BCKDHB: variants seen among roughly 807,000 people sequenced by gnomAD.
BCKDHB encodes the protein branched chain keto acid dehydrogenase E1 subunit beta, also known as 2-oxoisovalerate dehydrogenase subunit beta, mitochondrial.
Under a neutral mutation model 48.5 loss-of-function variants are expected in BCKDHB, and 41 were observed. The observed-to-expected ratio is 0.85, with a 90% CI of 0.66 to 1.10. The LOEUF is 1.10. Ranked by LOEUF, BCKDHB falls within the 50% of genes least tolerant of loss-of-function variation. The probability of loss-of-function intolerance (pLI) is 0.00; values close to 1 mark genes in which losing one functional copy is unlikely to be tolerated. For synonymous variants in BCKDHB, 201 were observed against 174.8 expected, an observed-to-expected ratio of 1.15 and a Z score of -1.18; for missense variants, 496 against 494.2, an observed-to-expected ratio of 1.00 and a Z score of -0.03.
At chr6:80,454,261 C>T in the BCKDHB span, 1 of 152,196 alleles carries the variant, frequency 6.6e-6, no homozygotes, top group African/African-American at 2.4e-5. Context: ...AAAATAGGCA[C>T]AATGAGTCGA....
At chr6:80,412,129 T>C in the BCKDHB span, among the ~76,000 whole-genome samples, 1 of 149,916 alleles carries the variant, frequency 6.7e-6, no homozygotes, top group Non-Finnish European at 1.5e-5. Context: ...CATTTTATAC[T>C]ATTGGTCACA....
intron 1 of BCKDHB, among the ~76,000 whole-genome samples, chr6:80,115,699 C>T (rs1273554309): frequency 6.6e-6 from 1 of 151,380 alleles, no homozygotes; most frequent in Non-Finnish European, 1.5e-5. Flanking sequence ...TGCAGTGGCG[C>T]GATCTTGGCC....
chr6:80,441,947 T>C, the BCKDHB span, among the ~76,000 whole-genome samples: 2 of 152,142 alleles, frequency 1.3e-5, no homozygotes, highest in African/African-American at 4.8e-5. Context: ...ATATGATTAA[T>C]GATACAAAGA....
At chr6:80,201,714 C>T (rs1774403369) in intron 7 of BCKDHB, among the ~76,000 whole-genome samples, 1 of 151,984 alleles carries the variant, frequency 6.6e-6, no homozygotes, top group Non-Finnish European at 1.5e-5. Context: ...ACTTCATTTT[C>T]CCCCCGACTT....
intron 8 of BCKDHB, among the ~76,000 whole-genome samples, chr6:80,208,601 T>C (rs998260767): frequency 6.6e-6 from 1 of 151,802 alleles, no homozygotes; most frequent in South Asian, 2.1e-4. Context: ...CAAATATTTG[T>C]TTGTATGATG....
At chr6:80,290,014 T>A (rs1766831098) in intron 9 of BCKDHB, among the ~76,000 whole-genome samples, 1 of 151,912 alleles carries the variant, frequency 6.6e-6, no homozygotes, top group East Asian at 1.9e-4. Flanking sequence ...CCTGTAGGAG[T>A]GAGTGCACAG....
chr6:80,132,880 C>T (rs528356592), intron 3 of BCKDHB, among the ~76,000 whole-genome samples: 45 of 152,246 alleles, frequency 3.0e-4, no homozygotes, highest in African/African-American at 1.0e-3. Flanking sequence ...TAAAAAGTAA[C>T]ATATACTTAA....
chr6:80,402,871 C>T, the BCKDHB span, among the ~76,000 whole-genome samples: 38 of 151,846 alleles, frequency 2.5e-4, no homozygotes, highest in Admixed American at 2.2e-3. Context: ...ATCCTTGCTC[C>T]ATTGCATATT....
intron 9 of BCKDHB, among the ~76,000 whole-genome samples, chr6:80,274,441 A>AT (rs1361971860): frequency 6.6e-6 from 1 of 151,968 alleles, no homozygotes; most frequent in Non-Finnish European, 1.5e-5. Context: ...TTTATTGTGT[A>AT]TTTTATACAT....
rs564488695 is a variant in BCKDHB at position 80,338,631 on chromosome 6, T to C, written c.1039-5033T>C. On this transcript the variant is annotated intron_variant, in intron 9 of 9. Transcript: ENST00000320393. Reference sequence around the variant, plus strand: ...GCTATACGGATGCTACTTTTCAGGTTTGACCGTTCTGTGTACCTGAATTTT... The same window carrying C: ...GCTATACGGATGCTACTTTTCAGGTCTGACCGTTCTGTGTACCTGAATTTT... Among the ~76,000 whole-genome samples the C allele has an allele frequency of 2.0e-5, 3 of 152,354 alleles. No homozygotes were observed. In the East Asian group the frequency reaches 5.8e-4, roughly 29 times the overall value.
intron 3 of BCKDHB, among the ~76,000 whole-genome samples, chr6:80,134,075 A>T (rs1770765536): frequency 6.6e-6 from 1 of 152,088 alleles, no homozygotes; most frequent in South Asian, 2.1e-4. Flanking sequence ...TATTAAAATA[A>T]GATTTTGGTG....
chr6:80,336,494 A>T (rs575359407), intron 9 of BCKDHB, among the ~76,000 whole-genome samples: 2 of 70,520 alleles, frequency 2.8e-5, no homozygotes, highest in Non-Finnish European at 6.6e-5. Flanking sequence ...AGCAAAAAAA[A>T]CCAAAAAAAC....
the BCKDHB span, chr6:80,374,110 C>A: frequency 1.4e-6 from 1 of 704,844 alleles, no homozygotes; most frequent in South Asian, 1.4e-5. Context: ...GCAATCTGTT[C>A]CTTTTCAGTA....
intron 7 of BCKDHB, among the ~76,000 whole-genome samples, chr6:80,202,183 CT>C (rs1312039837): frequency 6.6e-6 from 1 of 152,104 alleles, no homozygotes; most frequent in Non-Finnish European, 1.5e-5. Flanking sequence ...GCTTCTAATT[CT>C]TTCCTTCTTC....
intron 9 of BCKDHB, among the ~76,000 whole-genome samples, chr6:80,277,684 A>G (rs982666576): frequency 1.4e-5 from 2 of 147,814 alleles, no homozygotes; most frequent in East Asian, 2.0e-4. Flanking sequence ...TTTAAATCAC[A>G]TGGAAGCAAT....
At chr6:80,446,815 G>A in the BCKDHB span, among the ~76,000 whole-genome samples, 3 of 143,216 alleles carry the variant, frequency 2.1e-5, no homozygotes, top group Admixed American at 7.7e-5. Flanking sequence ...TCACAGGCTT[G>A]TAATGTTTCT....
chr6:80,184,173 G>A (rs1773538217), intron 6 of BCKDHB, among the ~76,000 whole-genome samples: 1 of 152,040 alleles, frequency 6.6e-6, no homozygotes, highest in African/African-American at 2.4e-5. Context: ...TTTTCCTGTT[G>A]GAGTAGTCCT....
At chr6:80,387,901 A>G in the BCKDHB span, among the ~76,000 whole-genome samples, 1 of 152,238 alleles carries the variant, frequency 6.6e-6, no homozygotes, top group Non-Finnish European at 1.5e-5. Context: ...CACTGGACTT[A>G]TTGGTGAGAC....
At chr6:80,218,593 A>G (rs1775277615) in intron 8 of BCKDHB, among the ~76,000 whole-genome samples, 1 of 152,060 alleles carries the variant, frequency 6.6e-6, no homozygotes, top group Non-Finnish European at 1.5e-5. Flanking sequence ...GAGTTATGAT[A>G]TTACCTGTAT....
Sources: allele counts gnomAD v4.1 joint callset (sites outside exome capture counted in the v4.1 genomes callset), GRCh38; gene constraint gnomAD v4.1.1; transcripts MANE v1.5; gene names NCBI Gene and HGNC (gene_info 2026-07-23, HGNC 2026-07-21).